Variants in PPRC1 observed in about 807,000 individuals in gnomAD.
The protein encoded by PPRC1 is PPARG related coactivator 1.
A neutral mutation model predicts 132.5 loss-of-function variants in PPRC1; 23 were observed. That is an observed-to-expected ratio of 0.17 (90% CI 0.12 to 0.25). The LOEUF is 0.25. Among genes scored for constraint, PPRC1 ranks in the 10% least tolerant of loss-of-function variants. The pLI is 1.00. For missense variants in PPRC1, 2,006 were observed against 2,089.1 expected (o/e 0.96, Z 0.78); for synonymous variants, 872 against 833.5 (o/e 1.05, Z -0.80).
chr10:102,121,466 C>T, the PPRC1 span, among the ~76,000 whole-genome samples: 12 of 152,092 alleles, frequency 7.9e-5, no homozygotes, highest in African/African-American at 2.9e-4. Context: ...AAGGAACACT[C>T]CTTCCCCTGG....
upstream of PPRC1, among the ~76,000 whole-genome samples, chr10:102,129,935 C>T (rs1419057419): frequency 6.6e-6 from 1 of 152,114 alleles, no homozygotes; most frequent in Non-Finnish European, 1.5e-5. Context: ...GCATCTTCCA[C>T]ACAGGAAAAA....
At chr10:102,143,357 C>A (rs945502838) in intron 6 of PPRC1, among the ~76,000 whole-genome samples, 1 of 152,030 alleles carries the variant, frequency 6.6e-6, no homozygotes, top group Non-Finnish European at 1.5e-5. Flanking sequence ...TCCCAGCACT[C>A]TGGGAAGCTG....
the PPRC1 span, chr10:102,120,183 A>AGCCGCC: frequency 8.8e-7 from 1 of 1,142,246 alleles, no homozygotes; most frequent in Non-Finnish European, 1.1e-6. Flanking sequence ...GCCGGGCATG[A>AGCCGCC]GCCGCCGCCG....
chr10:102,127,035 A>ATATATATATATG, the PPRC1 span, among the ~76,000 whole-genome samples: 1 of 52,252 alleles, frequency 1.9e-5, no homozygotes, highest in African/African-American at 4.4e-5. Flanking sequence ...ATATATATAT[A>ATATATATATATG]TATATATATA....
At chr10:102,132,670 GC>G (rs1233571662), upstream of PPRC1, among the ~76,000 whole-genome samples, 1 of 152,222 alleles carries the variant, frequency 6.6e-6, no homozygotes, top group Non-Finnish European at 1.5e-5. Context: ...GGCCCACTTG[GC>G]CCCACTTGGA....
chr10:102,123,457 T>C, the PPRC1 span, among the ~76,000 whole-genome samples: 1 of 152,220 alleles, frequency 6.6e-6, no homozygotes, highest in South Asian at 2.1e-4. Context: ...CTGATTTGTA[T>C]GGATGGGTGT....
At chr10:102,122,003 C>T in the PPRC1 span, among the ~76,000 whole-genome samples, 5 of 152,090 alleles carry the variant, frequency 3.3e-5, no homozygotes, top group Non-Finnish European at 7.4e-5. Context: ...GAAGGCCTGC[C>T]TAGGAATGGA....
At chr10:102,125,914 G>A in the PPRC1 span, among the ~76,000 whole-genome samples, 1 of 149,596 alleles carries the variant, frequency 6.7e-6, no homozygotes, top group African/African-American at 2.5e-5. Context: ...CCAGGCTGGA[G>A]TGCAGTGGCA....
rs17847381 is a variant in PPRC1, at chr10:102,150,186, T to A, written c.*157T>A. ...AAAAAATATGTTGAATCAGATTTTT[T>A]AAAAGGGGTATTTGTTTTTTTATAA... On this transcript the variant is annotated 3_prime_UTR_variant, in exon 14 of 14. Transcript: ENST00000278070. 163 of 589,532 alleles carry A rather than the reference T, an allele frequency of 2.8e-4. No individual in the cohort carries two copies. In the East Asian group the frequency reaches 3.4e-3, roughly 12 times the overall value. 36.5% of individuals were successfully genotyped at this position (589,532 alleles called of 1,614,324 possible). A position where few individuals can be genotyped will look rare whatever the true frequency, so the allele number is the denominator to read the frequency against.
At chr10:102,120,486 C>T in the PPRC1 span, 11 of 668,328 alleles carry the variant, frequency 1.6e-5, no homozygotes, top group Non-Finnish European at 2.0e-5. Context: ...CGCCGGCTCC[C>T]CAGCCCAAGC....
chr10:102,142,966 A>G (rs952321302), intron 5 of PPRC1, 79 bp from the exon 6 acceptor site: 2 of 1,276,394 alleles, frequency 1.6e-6, no homozygotes, highest in African/African-American at 3.0e-5. Flanking sequence ...GAGAAGTGAG[A>G]TGATTTGGGG....
rs1482248833 is a variant in PPRC1 at position 102,137,975 on chromosome 10, C to T, written c.279C>T (p.Thr93=). 2 of 1,614,100 alleles carry T rather than the reference C, an allele frequency of 1.2e-6. No individual in the cohort carries two copies. Among genetic ancestry groups the T allele is most frequent in the Middle Eastern group, 1.7e-4 (1 of 6,060 alleles). The change falls in exon 2 of 14, where the codon ACC becomes ACT. Residue 93 remains threonine, a synonymous_variant. Coordinates refer to ENST00000278070, the MANE Select transcript of PPRC1 (RefSeq NM_015062.5). ...TGCAGGATGAGACACTGCTGGGGAC[C>T]ATGCAGAGCTACATGGATGCCTCCC... is the stretch of plus-strand genomic sequence containing the variant. ...LMLQDETLLG[T]MQSYMDASLI... is the part of the protein sequence containing the mutation.
the PPRC1 span, among the ~76,000 whole-genome samples, chr10:102,123,903 C>A: frequency 2.1e-5 from 3 of 142,530 alleles, no homozygotes; most frequent in African/African-American, 7.9e-5. Flanking sequence ...TGCAATGGCG[C>A]AATTTCAGCT....
At chr10:102,142,495 C>T (rs1316505725) in intron 5 of PPRC1, among the ~76,000 whole-genome samples, 37 of 143,508 alleles carry the variant, frequency 2.6e-4, no homozygotes, top group Non-Finnish European at 1.4e-4. Context: ...CTCGGCTCAC[C>T]GCAACCTCCG....
upstream of PPRC1, among the ~76,000 whole-genome samples, chr10:102,128,774 C>A (rs1312612281): frequency 6.6e-6 from 1 of 151,258 alleles, no homozygotes; most frequent in Middle Eastern, 3.5e-3. Flanking sequence ...ACCACCATGC[C>A]GGGCTAATTT....
At chr10:102,126,823 G>A in the PPRC1 span, among the ~76,000 whole-genome samples, 6 of 151,664 alleles carry the variant, frequency 4.0e-5, no homozygotes, top group Admixed American at 3.9e-4. Flanking sequence ...CCCTTGCCCT[G>A]ACACGTGACT....
Position 102,148,547 on chromosome 10 carries a change from T to A in PPRC1, c.4550+26T>A. On this transcript the variant is annotated intron_variant, in intron 10 of 13. Transcript: ENST00000278070. This position sits in a 1 kb window ranked among gnomAD's most constrained non-coding sequence, Gnocchi z 4.2. ...GTGAGCATGTGTTCAGGGAGCGCCA[T>A]GCACCTGGGATGCAGGTGCCTAAGA... The A allele has an allele frequency of 6.2e-7, 1 of 1,611,758 alleles. No individual in the cohort carries two copies. Among genetic ancestry groups the A allele is most frequent in the Non-Finnish European group, 8.5e-7 (1 of 1,177,816 alleles).
At position 102,141,348 on chromosome 10, in the gene PPRC1, C is replaced by T; in HGVS notation, c.2840C>T (p.Ser947Phe). The T allele has an allele frequency of 6.2e-7, 1 of 1,614,126 alleles. No individual in the cohort carries two copies. Among genetic ancestry groups the T allele is most frequent in the Non-Finnish European group, 8.5e-7 (1 of 1,180,000 alleles). Reference sequence around the variant, plus strand: ...CCCCCACCAACGGTGCCCCTAGTGTCTGGTACTCCTGGTGCCTATGCCGTG... The same window carrying T: ...CCCCCACCAACGGTGCCCCTAGTGTTTGGTACTCCTGGTGCCTATGCCGTG... ...LPPPPTVPLV[S>F]GTPGAYAVPP... is the part of the protein sequence containing the mutation. Residue 947 changes from serine (S) to phenylalanine (F), a missense_variant, in exon 5 of 14, where the codon TCT becomes TTT. Ser to Phe is a radical substitution (Grantham distance 155, BLOSUM62 -2). Coordinates refer to ENST00000278070, the MANE Select transcript of PPRC1 (RefSeq NM_015062.5).
At chr10:102,149,070 G>A in intron 12 of PPRC1, 108 bp from the exon 13 acceptor site, 1 of 1,526,276 alleles carries the variant, frequency 6.6e-7, no homozygotes, top group Non-Finnish European at 8.8e-7. Context: ...CAGAGGGTTG[G>A]CCACTGGGAA....
Sources: gnomAD v4.1 joint callset for allele counts (sites outside exome capture counted in the v4.1 genomes callset) on GRCh38, gnomAD v4.1.1 for gene constraint, Gnocchi (gnomAD v3.1) non-coding constraint, MANE v1.5 for transcripts, NCBI Gene and HGNC (gene_info 2026-07-23, HGNC 2026-07-21) for gene names.